NBEA: variants seen among roughly 807,000 people sequenced by gnomAD.
The protein encoded by NBEA is lysosomal-trafficking regulator 2.
A neutral mutation model predicts 343.4 loss-of-function variants in NBEA; 44 were observed. The ratio of observed to expected loss-of-function variants is 0.13; its 90% confidence interval spans 0.10 to 0.16. The LOEUF is 0.16. NBEA is among the 10% of genes least tolerant of loss of function. The pLI is 1.00. For synonymous variants in NBEA, 1,175 were observed against 1,238.7 expected, an observed-to-expected ratio of 0.95 and a Z score of 1.08; for missense variants, 2,555 against 3,631.3, an observed-to-expected ratio of 0.70 and a Z score of 7.62.
intron 1 of NBEA, among the ~76,000 whole-genome samples, chr13:34,983,942 C>T (rs2060453820): frequency 6.6e-6 from 1 of 152,070 alleles, no homozygotes; most frequent in African/African-American, 2.4e-5. Context: ...GGGTAGATTG[C>T]AAAAATTTTC....
intron 1 of NBEA, among the ~76,000 whole-genome samples, chr13:35,003,198 C>A (rs764887098): frequency 6.6e-5 from 10 of 151,992 alleles, no homozygotes; most frequent in Admixed American, 1.3e-4. Flanking sequence ...TATGGTGAAA[C>A]CTCATCTCTA....
chr13:35,422,620 T>C (rs1322914851), intron 38 of NBEA, among the ~76,000 whole-genome samples: 2 of 152,232 alleles, frequency 1.3e-5, no homozygotes, highest in Non-Finnish European at 2.9e-5. Flanking sequence ...TGTGTGCATG[T>C]GTCTTTATAG....
At chr13:35,538,815 C>T (rs954461142) in intron 41 of NBEA, among the ~76,000 whole-genome samples, 1 of 152,146 alleles carries the variant, frequency 6.6e-6, no homozygotes, top group Non-Finnish European at 1.5e-5. Flanking sequence ...ATTTTGTGTT[C>T]CCACATTAGA....
At chr13:35,610,326 G>A (rs903543704) in intron 48 of NBEA, among the ~76,000 whole-genome samples, 5 of 152,078 alleles carry the variant, frequency 3.3e-5, no homozygotes, top group African/African-American at 7.2e-5. Flanking sequence ...CTAGGAGGTC[G>A]AAGCTGCAAT....
chr13:35,187,280 G>A (rs906538474), intron 30 of NBEA, among the ~76,000 whole-genome samples: 3 of 151,444 alleles, frequency 2.0e-5, no homozygotes, highest in South Asian at 4.2e-4. Context: ...TTAGCTCTCT[G>A]GTCTCTCTCT....
chr13:35,115,146 A>G (rs1489791369), intron 13 of NBEA, among the ~76,000 whole-genome samples: 2 of 152,072 alleles, frequency 1.3e-5, no homozygotes, highest in African/African-American at 4.8e-5. Flanking sequence ...TTTATAAATA[A>G]AATGTTACTA....
intron 33 of NBEA, among the ~76,000 whole-genome samples, chr13:35,224,137 T>C (rs1409644734): frequency 2.6e-5 from 4 of 152,202 alleles, no homozygotes; most frequent in African/African-American, 9.6e-5. Flanking sequence ...CCTTCCTCTT[T>C]TGCTGTACTT....
intron 1 of NBEA, among the ~76,000 whole-genome samples, chr13:35,015,126 T>TTAAAAAAAAAAAAAAAAAAAAAAA (rs2061607241): frequency 2.6e-5 from 1 of 38,742 alleles, no homozygotes; most frequent in African/African-American, 1.1e-4. Flanking sequence ...CAACGAGATC[T>TTAAAAAAAAAAAAAAAAAAAAAAA]GAAAAAAAAA....
At chr13:35,421,826 A>G (rs1415591223) in intron 38 of NBEA, among the ~76,000 whole-genome samples, 9 of 152,148 alleles carry the variant, frequency 5.9e-5, no homozygotes. Context: ...TAGCACCTAA[A>G]AAATATTTTG....
intron 1 of NBEA, among the ~76,000 whole-genome samples, chr13:34,973,581 C>T (rs2060068805): frequency 6.6e-6 from 1 of 152,164 alleles, no homozygotes; most frequent in Non-Finnish European, 1.5e-5. Context: ...AGGAGCTGTG[C>T]TGTGCTGGGG....
At chr13:35,219,787 C>T (rs182621741) in intron 33 of NBEA, among the ~76,000 whole-genome samples, 4 of 152,188 alleles carry the variant, frequency 2.6e-5, no homozygotes, top group African/African-American at 9.6e-5. Context: ...CAAGAAGAGA[C>T]CAGTACTCCT....
At chr13:35,475,594 C>T (rs373870848) in intron 41 of NBEA, 28 of 1,613,636 alleles carry the variant, frequency 1.7e-5, no homozygotes, top group African/African-American at 2.7e-5. Context: ...GGCAGCACTC[C>T]TCGGCCAGAT....
intron 9 of NBEA, 107 bp from the exon 10 acceptor site, chr13:35,070,612 A>T (rs2063828434): frequency 2.0e-6 from 2 of 1,020,752 alleles, no homozygotes; most frequent in Non-Finnish European, 2.6e-6. Context: ...AGGCTTAAAA[A>T]TGTCCAAGTA....
intron 38 of NBEA, among the ~76,000 whole-genome samples, chr13:35,377,860 T>G (rs2041827211): frequency 6.6e-6 from 1 of 152,182 alleles, no homozygotes. Context: ...CATAAACATA[T>G]ACACAGGTAC....
chr13:35,582,772 T>A (rs960377303), intron 45 of NBEA, among the ~76,000 whole-genome samples: 1 of 152,186 alleles, frequency 6.6e-6, no homozygotes, highest in Non-Finnish European at 1.5e-5. Context: ...GACTTTTTAC[T>A]GCTGATGACC....
intron 24 of NBEA, chr13:35,165,025 C>G: frequency 3.8e-6 from 2 of 520,942 alleles, no homozygotes; most frequent in Non-Finnish European, 7.8e-6. Flanking sequence ...TGATTCAGAC[C>G]AAGGCAGACT....
At chr13:35,489,017 A>G (rs1187864597) in intron 41 of NBEA, among the ~76,000 whole-genome samples, 1 of 151,808 alleles carries the variant, frequency 6.6e-6, no homozygotes, top group Non-Finnish European at 1.5e-5. Context: ...AAAAAATTGC[A>G]TTAACTTTTT....
chr13:35,340,297 A>C (rs1422872339), intron 36 of NBEA, among the ~76,000 whole-genome samples: 1 of 152,084 alleles, frequency 6.6e-6, no homozygotes, highest in Non-Finnish European at 1.5e-5. Flanking sequence ...TCAGCCTTAA[A>C]AAGGAATGAA....
chr13:35,390,004 T>TGTGTGTGTGC (rs1555249998), intron 38 of NBEA, among the ~76,000 whole-genome samples: 2 of 150,944 alleles, frequency 1.3e-5, no homozygotes, highest in Non-Finnish European at 3.0e-5. Context: ...TGTGTGTGTG[T>TGTGTGTGTGC]ACTCAGTACT....
Sources: allele counts gnomAD v4.1 joint callset (sites outside exome capture counted in the v4.1 genomes callset), GRCh38; gene constraint gnomAD v4.1.1; transcripts MANE v1.5; gene names NCBI Gene and HGNC (gene_info 2026-07-23, HGNC 2026-07-21).